Variants in ERC2 observed in about 807,000 individuals in gnomAD.
ERC2 encodes ELKS/RAB6-interacting/CAST family member 2.
A neutral mutation model predicts 114.8 loss-of-function variants in ERC2; 42 were observed. The observed-to-expected ratio is 0.37, with a 90% CI of 0.29 to 0.47. The LOEUF is 0.47. Among genes scored for constraint, ERC2 ranks in the 20% least tolerant of loss-of-function variants. ERC2 has a pLI of 0.99. For synonymous variants in ERC2, 454 were observed against 425.5 expected (o/e 1.07, Z -0.82); for missense variants, 939 against 1,150.7 (o/e 0.82, Z 2.66).
chr3:56,321,908 A>G (rs2057144108), intron 2 of ERC2, among the ~76,000 whole-genome samples: 1 of 152,234 alleles, frequency 6.6e-6, no homozygotes, highest in Non-Finnish European at 1.5e-5. Context: ...CCACCTAACA[A>G]GAGATAAATC....
At chr3:55,580,590 G>C (rs1340489067) in intron 17 of ERC2, among the ~76,000 whole-genome samples, 1 of 152,184 alleles carries the variant, frequency 6.6e-6, no homozygotes, top group Non-Finnish European at 1.5e-5. Context: ...GGCTTGGTAA[G>C]TGTGATATTC....
At chr3:56,058,641 C>T (rs1030480083) in intron 7 of ERC2, among the ~76,000 whole-genome samples, 2 of 152,170 alleles carry the variant, frequency 1.3e-5, no homozygotes, top group Non-Finnish European at 2.9e-5. Flanking sequence ...CCAATCAAAA[C>T]AAATGGCTGA....
At chr3:55,621,769 G>A (rs1419975238) in intron 17 of ERC2, among the ~76,000 whole-genome samples, 3 of 152,158 alleles carry the variant, frequency 2.0e-5, no homozygotes, top group Admixed American at 2.0e-4. Context: ...AGACAGCTAG[G>A]CCAATTGGGG....
At chr3:56,453,952 G>T (rs184342714) in intron 1 of ERC2, among the ~76,000 whole-genome samples, 2 of 152,284 alleles carry the variant, frequency 1.3e-5, no homozygotes, top group East Asian at 3.9e-4. Flanking sequence ...GCCCTAGGAA[G>T]AATCCAGCTG....
intron 10 of ERC2, among the ~76,000 whole-genome samples, chr3:56,002,041 A>G (rs2072115354): frequency 6.6e-6 from 1 of 152,144 alleles, no homozygotes; most frequent in African/African-American, 2.4e-5. Context: ...CTTCTCTGCT[A>G]AAATCTGCAT....
chr3:55,653,237 T>C (rs955008827), intron 17 of ERC2, among the ~76,000 whole-genome samples: 1 of 152,224 alleles, frequency 6.6e-6, no homozygotes, highest in Non-Finnish European at 1.5e-5. Context: ...TAAGTGCATA[T>C]TCAAAATCAT....
chr3:55,949,193 C>T (rs1463155647), intron 13 of ERC2, among the ~76,000 whole-genome samples: 1 of 151,938 alleles, frequency 6.6e-6, no homozygotes, highest in Non-Finnish European at 1.5e-5. Context: ...CACAGTGAAA[C>T]CCCGTCTCTA....
At chr3:56,245,289 C>G (rs1208612271) in intron 3 of ERC2, among the ~76,000 whole-genome samples, 2 of 151,912 alleles carry the variant, frequency 1.3e-5, no homozygotes, top group Non-Finnish European at 2.9e-5. Context: ...AAGAACAGAA[C>G]ATAATATGAA....
At chr3:55,542,126 C>T (rs142268195) in intron 17 of ERC2, among the ~76,000 whole-genome samples, 41 of 152,266 alleles carry the variant, frequency 2.7e-4, no homozygotes, top group African/African-American at 6.7e-4. Context: ...TAGGATGAAG[C>T]CAGGAACCAA....
intron 17 of ERC2, among the ~76,000 whole-genome samples, chr3:55,547,109 C>G (rs568658354): frequency 1.3e-5 from 2 of 152,264 alleles, no homozygotes; most frequent in Non-Finnish European, 2.9e-5. Context: ...TTAGCAAAGA[C>G]AGCAGGGGAT....
At chr3:55,728,283 T>C (rs571974624) in intron 15 of ERC2, among the ~76,000 whole-genome samples, 6 of 152,348 alleles carry the variant, frequency 3.9e-5, no homozygotes, top group African/African-American at 1.4e-4. Flanking sequence ...GGCAGATAGC[T>C]ATTATTAAAA....
At chr3:56,281,622 G>C (rs2054354980) in intron 3 of ERC2, among the ~76,000 whole-genome samples, 1 of 152,048 alleles carries the variant, frequency 6.6e-6, no homozygotes, top group Non-Finnish European at 1.5e-5. Flanking sequence ...AGACAGATTA[G>C]ATATAGATAC....
intron 14 of ERC2, among the ~76,000 whole-genome samples, chr3:55,805,797 C>T (rs1164980767): frequency 6.6e-6 from 1 of 152,168 alleles, no homozygotes; most frequent in Non-Finnish European, 1.5e-5. Context: ...TTCCTTGATA[C>T]TTTCCTCCTA....
At chr3:55,782,176 AGCC>A (rs1323212291) in intron 14 of ERC2, among the ~76,000 whole-genome samples, 7 of 152,246 alleles carry the variant, frequency 4.6e-5, no homozygotes, top group African/African-American at 1.4e-4. Flanking sequence ...CAGGAGAGAC[AGCC>A]CACTGAGAAG....
intron 6 of ERC2, among the ~76,000 whole-genome samples, chr3:56,130,595 T>C (rs538939058): frequency 6.6e-6 from 1 of 152,346 alleles, no homozygotes; most frequent in Non-Finnish European, 1.5e-5. Context: ...TACTAGACTC[T>C]TGACCTGTAG....
intron 6 of ERC2, among the ~76,000 whole-genome samples, chr3:56,107,085 T>G (rs1162215962): frequency 6.6e-6 from 1 of 152,024 alleles, no homozygotes; most frequent in Non-Finnish European, 1.5e-5. Context: ...TGATACTGGG[T>G]CTGCTGATGG....
At chr3:55,894,312 G>C (rs930784710) in intron 13 of ERC2, among the ~76,000 whole-genome samples, 2 of 152,074 alleles carry the variant, frequency 1.3e-5, no homozygotes, top group African/African-American at 4.8e-5. Context: ...GGCAAAATTT[G>C]CTTTAAACAT....
At chr3:55,869,517 GT>G (rs2062472778) in intron 14 of ERC2, among the ~76,000 whole-genome samples, 1 of 151,948 alleles carries the variant, frequency 6.6e-6, no homozygotes, top group Admixed American at 6.6e-5. Flanking sequence ...CCATTCTTCT[GT>G]CCCCCCTTCT....
intron 17 of ERC2, among the ~76,000 whole-genome samples, chr3:55,581,388 C>T (rs1194143553): frequency 1.3e-5 from 2 of 152,078 alleles, no homozygotes; most frequent in Non-Finnish European, 2.9e-5. Flanking sequence ...ATATACTGTG[C>T]AGATTTTTTA....
Sources: allele counts gnomAD v4.1 joint callset (sites outside exome capture counted in the v4.1 genomes callset), GRCh38; gene constraint gnomAD v4.1.1; transcripts MANE v1.5; gene names NCBI Gene and HGNC (gene_info 2026-07-23, HGNC 2026-07-21).